RALYL: variants seen among roughly 807,000 people sequenced by gnomAD.
RALYL encodes RALY RNA binding protein like.
In RALYL, 29 loss-of-function variants were observed where a neutral mutation model predicts 35.1. The ratio of observed to expected loss-of-function variants is 0.83; its 90% CI spans 0.61 to 1.13. The LOEUF (loss-of-function observed/expected upper bound fraction) is 1.13, where lower values mean the gene tolerates loss of function less well. Ranked by LOEUF, RALYL falls within the 50% of genes most tolerant of loss-of-function variation. The probability of loss-of-function intolerance (pLI) is 0.00; values close to 1 mark genes in which losing one functional copy is unlikely to be tolerated. For synonymous variants in RALYL, 120 were observed against 127.6 expected (o/e 0.94, Z 0.40); for missense variants, 359 against 360.4 (o/e 1.00, Z 0.03).
At chr8:84,896,235 G>A (rs960590613) in intron 8 of RALYL, among the ~76,000 whole-genome samples, 11 of 152,110 alleles carry the variant, frequency 7.2e-5, no homozygotes, top group Non-Finnish European at 1.5e-4. Flanking sequence ...GCCACATCAG[G>A]TTCCACATTA....
At chr8:84,304,292 T>G (rs1841383656) in intron 1 of RALYL, among the ~76,000 whole-genome samples, 1 of 152,070 alleles carries the variant, frequency 6.6e-6, no homozygotes. Context: ...TAATTTTTTG[T>G]ATTTTTAGTA....
At chr8:84,836,653 G>A (rs549303672) in intron 4 of RALYL, among the ~76,000 whole-genome samples, 101 of 152,144 alleles carry the variant, frequency 6.6e-4, no homozygotes, top group African/African-American at 2.4e-3. Flanking sequence ...ATATTAGATT[G>A]GCAAAGTTTG....
chr8:84,874,675 A>G (rs749181991), intron 7 of RALYL, among the ~76,000 whole-genome samples: 1 of 152,192 alleles, frequency 6.6e-6, no homozygotes, highest in Non-Finnish European at 1.5e-5. Flanking sequence ...GAAAAGAAGC[A>G]CATGTGAGGT....
Position 84,745,050 on chromosome 8 carries a change from C to A in RALYL, c.257-29529C>A, listed in dbSNP as rs560625343. Among the ~76,000 whole-genome samples, 8 of 149,142 alleles carry A rather than the reference C, an allele frequency of 5.4e-5. No homozygotes were observed. In the South Asian group the frequency reaches 6.3e-4, roughly 12 times the overall value. ...CAGCTGAACAGACACATGCAACACCCCACTCCCAAAACAAACACACACACA... is the reference window on the plus strand; with the variant it reads ...CAGCTGAACAGACACATGCAACACCACACTCCCAAAACAAACACACACACA... On this transcript the variant is annotated intron_variant, in intron 2 of 8. Coordinates refer to ENST00000521268, the MANE Select transcript of RALYL (RefSeq NM_173848.7).
chr8:84,622,932 A>G, intron 2 of RALYL, among the ~76,000 whole-genome samples: 1 of 152,200 alleles, frequency 6.6e-6, no homozygotes, highest in East Asian at 1.9e-4. Context: ...GTTGTGACAA[A>G]TTAAAGACTG....
chr8:84,720,572 G>T (rs1367991738), intron 2 of RALYL, among the ~76,000 whole-genome samples: 1 of 152,160 alleles, frequency 6.6e-6, no homozygotes, highest in African/African-American at 2.4e-5. Context: ...TTATGGCATT[G>T]GTCTGGGCAA....
chr8:84,674,944 G>T (rs771505718), intron 2 of RALYL, among the ~76,000 whole-genome samples: 17 of 150,970 alleles, frequency 1.1e-4, no homozygotes, highest in African/African-American at 1.2e-4. Context: ...TTTAAAATTT[G>T]ATTATAAGAA....
rs1189734733 is a variant in RALYL, at chr8:84,535,763, G to A, written c.256+6186G>A. ...TGCTGGATTACAGGCGTGAGCCACCGCGCCCGGCCGCATCCCTGACTTCTA... is the reference window on the plus strand; with the variant it reads ...TGCTGGATTACAGGCGTGAGCCACCACGCCCGGCCGCATCCCTGACTTCTA... On this transcript the variant is annotated intron_variant, in intron 2 of 8. Transcript: ENST00000521268. Among the ~76,000 whole-genome samples, 5 of 151,656 alleles carry A rather than the reference G, an allele frequency of 3.3e-5. No homozygotes were observed. The South Asian group carries it at 6.3e-4, about 19-fold the overall frequency.
chr8:84,352,577 A>C (rs187631557), intron 1 of RALYL, among the ~76,000 whole-genome samples: 1 of 150,468 alleles, frequency 6.6e-6, no homozygotes, highest in South Asian at 2.1e-4. Flanking sequence ...CAGGAGGTCA[A>C]GACTGAATAG....
intron 2 of RALYL, among the ~76,000 whole-genome samples, chr8:84,613,881 T>A (rs28463030): frequency 0.047 from 6,965 of 148,666 alleles, 429 homozygotes; most frequent in African/African-American, 0.12. Context: ...TATATATATA[T>A]AATACACAAA....
At chr8:84,277,889 T>C (rs1043047375) in intron 1 of RALYL, among the ~76,000 whole-genome samples, 1 of 152,216 alleles carries the variant, frequency 6.6e-6, no homozygotes, top group African/African-American at 2.4e-5. Context: ...TCCTGGCTGC[T>C]TTCATGGGCT....
intron 2 of RALYL, among the ~76,000 whole-genome samples, chr8:84,769,338 C>G (rs1479676628): frequency 6.6e-6 from 1 of 152,166 alleles, no homozygotes; most frequent in Non-Finnish European, 1.5e-5. Context: ...ACATCCCACT[C>G]AAATCAGCTT....
At chr8:84,631,299 C>T (rs1389620967) in intron 2 of RALYL, among the ~76,000 whole-genome samples, 2 of 151,818 alleles carry the variant, frequency 1.3e-5, no homozygotes, top group African/African-American at 2.4e-5. Context: ...AGGTGACTCC[C>T]GCCCAAAAAT....
intron 2 of RALYL, among the ~76,000 whole-genome samples, chr8:84,765,206 G>A (rs1813627223): frequency 6.6e-6 from 1 of 152,098 alleles, no homozygotes; most frequent in Non-Finnish European, 1.5e-5. Context: ...AGAGCTCCTG[G>A]GACACAGAGT....
intron 1 of RALYL, among the ~76,000 whole-genome samples, chr8:84,295,513 T>G (rs915334518): frequency 6.6e-6 from 1 of 152,144 alleles, no homozygotes; most frequent in African/African-American, 2.4e-5. Flanking sequence ...TTGCCCAGGC[T>G]CTTCCCAAAC....
intron 2 of RALYL, among the ~76,000 whole-genome samples, chr8:84,702,929 C>T (rs80051652): frequency 0.013 from 1,953 of 152,154 alleles, 47 homozygotes; most frequent in African/African-American, 0.045. Flanking sequence ...TTAATTAAGG[C>T]ATAAAACTGA....
chr8:84,684,760 A>G (rs931073480), intron 2 of RALYL, among the ~76,000 whole-genome samples: 6 of 152,214 alleles, frequency 3.9e-5, no homozygotes, highest in Admixed American at 1.3e-4. Flanking sequence ...AAGGCCATAC[A>G]TGGCATATAT....
At chr8:84,623,400 A>T (rs1358055601) in intron 2 of RALYL, among the ~76,000 whole-genome samples, 1 of 152,188 alleles carries the variant, frequency 6.6e-6, no homozygotes, top group East Asian at 1.9e-4. Context: ...GATAGTGTTG[A>T]AAATAATTGT....
chr8:84,707,736 A>G (rs772439966), intron 2 of RALYL, among the ~76,000 whole-genome samples: 1 of 152,194 alleles, frequency 6.6e-6, no homozygotes, highest in Non-Finnish European at 1.5e-5. Context: ...GAGCAGGAAC[A>G]TAATAAAATT....
Sources: allele counts gnomAD v4.1 joint callset (sites outside exome capture counted in the v4.1 genomes callset), GRCh38; gene constraint gnomAD v4.1.1; transcripts MANE v1.5; gene names NCBI Gene and HGNC (gene_info 2026-07-23, HGNC 2026-07-21).